The following CALD1 variants were observed in gnomAD, a reference collection of about 807,000 sequenced individuals.
CALD1 encodes caldesmon.
Under a neutral mutation model 99.9 loss-of-function variants are expected in CALD1, and 33 were observed. The observed-to-expected ratio is 0.33, with a 90% CI of 0.25 to 0.44. The LOEUF is 0.44. Ranked by LOEUF, CALD1 falls within the 20% of genes least tolerant of loss-of-function variation. The probability of loss-of-function intolerance (pLI) is 1.00; values close to 1 mark genes in which losing one functional copy is unlikely to be tolerated. For synonymous variants in CALD1, 310 were observed against 325.0 expected, an observed-to-expected ratio of 0.95 and a Z score of 0.50; for missense variants, 861 against 962.1, an observed-to-expected ratio of 0.89 and a Z score of 1.39.
chr7:134,902,810 A>G (rs544834416), intron 3 of CALD1, among the ~76,000 whole-genome samples: 38 of 152,316 alleles, frequency 2.5e-4, no homozygotes, highest in East Asian at 9.6e-4. Flanking sequence ...GAATCCTTCA[A>G]TCCTTAAACT....
At chr7:134,876,452 G>C (rs1463081672) in intron 3 of CALD1, among the ~76,000 whole-genome samples, 1 of 152,196 alleles carries the variant, frequency 6.6e-6, no homozygotes, top group Non-Finnish European at 1.5e-5. Flanking sequence ...ACTGCATGTA[G>C]AGTGCTTTCT....
rs1452908 is a variant in CALD1 at position 134,747,429 on chromosome 7, T to G, written c.-130+3066T>G. ...TGTTCAAAGTTCCAGAAAACAGCAG[T>G]AAGATTCGTGATGCCAAGGAAGGGT... On this transcript the variant is annotated intron_variant, in intron 1 of 13. Transcript: ENST00000417172. Among the ~76,000 whole-genome samples the G allele has an allele frequency of 2.4e-3, 361 of 152,336 alleles. 1 individual carries two copies. The highest frequency in any genetic ancestry group is 8.1e-3 in the African/African-American group (338 of 41,574).
At chr7:134,819,649 A>G (rs562532065) in intron 1 of CALD1, among the ~76,000 whole-genome samples, 1 of 152,352 alleles carries the variant, frequency 6.6e-6, no homozygotes, top group Non-Finnish European at 1.5e-5. Flanking sequence ...GCTTTGGGAA[A>G]TTCAATCAGC....
At chr7:134,714,053 C>G in the CALD1 span, among the ~76,000 whole-genome samples, 1 of 151,922 alleles carries the variant, frequency 6.6e-6, no homozygotes, top group Non-Finnish European at 1.5e-5. Context: ...TGTAGAACCT[C>G]CCACCTCCCA....
At chr7:134,739,275 T>C (rs2050962568), upstream of CALD1, among the ~76,000 whole-genome samples, 2 of 152,214 alleles carry the variant, frequency 1.3e-5, no homozygotes. Context: ...AGATAGTCTC[T>C]TAAGCCTAGC....
At chr7:134,718,103 G>A in the CALD1 span, among the ~76,000 whole-genome samples, 1 of 152,160 alleles carries the variant, frequency 6.6e-6, no homozygotes, top group African/African-American at 2.4e-5. Context: ...CATGGTAAGA[G>A]AAGAAAAATG....
chr7:134,968,559 T>C lies in CALD1; in HGVS notation c.*214T>C. On this transcript the variant is annotated 3_prime_UTR_variant, in exon 15 of 15. Coordinates refer to ENST00000361675, the MANE Select transcript of CALD1 (RefSeq NM_033138.4). The stretch of plus-strand genomic sequence containing the variant: ...AAAGTACTGCCTTTGCACAGGAGCC[T>C]GTTTCTAAAGAAACCCATGCTGTGA... 1.4e-6 allele frequency: 1 copy of C among 702,200 alleles called. No homozygotes were observed. The highest frequency in any genetic ancestry group is 2.7e-5 in the East Asian group (1 of 36,816). The allele number at this position is 702,200 out of a possible 1,614,324, so 43.5% of individuals were successfully genotyped here.
chr7:134,968,849 T>G lies in CALD1; in HGVS notation c.*504T>G. On this transcript the variant is annotated 3_prime_UTR_variant, in exon 15 of 15. Transcript: ENST00000361675. ...TTTCAGATTTGAAATACTGCAATAA[T>G]GGTTGTCTTTAAAAAAAAAAAAGAA... 5.3e-6 allele frequency: 1 copy of G among 187,248 alleles called. No homozygotes were observed. The highest frequency in any genetic ancestry group is 2.3e-5 in the African/African-American group (1 of 43,192). The allele number at this position is 187,248 out of a possible 1,614,324, so 11.6% of individuals were successfully genotyped here.
At chr7:134,821,036 G>A (rs995921055) in intron 1 of CALD1, among the ~76,000 whole-genome samples, 1 of 152,052 alleles carries the variant, frequency 6.6e-6, no homozygotes. Context: ...CTTAGATTAC[G>A]TTTATGCGTA....
upstream of CALD1, among the ~76,000 whole-genome samples, chr7:134,740,696 T>C (rs11766904): frequency 0.59 from 90,111 of 152,014 alleles, 27,367 homozygotes; most frequent in East Asian, 0.86. Context: ...GAGGAGGTGA[T>C]GAGGATTGTG....
intron 1 of CALD1, among the ~76,000 whole-genome samples, chr7:134,841,831 G>T (rs1045741132): frequency 7.1e-6 from 1 of 140,446 alleles, no homozygotes; most frequent in African/African-American, 2.9e-5. Flanking sequence ...GAGTAACTTG[G>T]AAGTTTCATG....
In CALD1 at chr7:134,947,607, G is replaced by T; in HGVS notation, c.1632G>T (p.Gly544=). 1.3e-6 allele frequency: 2 copies of T among 1,562,848 alleles called. No individual in the cohort carries two copies. Among genetic ancestry groups the T allele is most frequent in the Non-Finnish European group, 1.7e-6 (2 of 1,153,240 alleles). The change falls in exon 8 of 15, where the codon GGG becomes GGT. Residue 544 remains glycine, a synonymous_variant. Coordinates refer to ENST00000361675, the MANE Select transcript of CALD1 (RefSeq NM_033138.4). ...TGGAGGAGCTTCGTCGTCGTCGCGG[G>T]GAGACCGAGAGCGAAGAGTTCGAGA... ...KRLEELRRRR[G]ETESEEFEKL... is the part of the protein sequence containing the mutation.
In CALD1 at chr7:134,867,749, C is replaced by A; in HGVS notation, c.16C>A (p.Arg6Ser). 1.2e-6 allele frequency: 2 copies of A among 1,607,522 alleles called. No individual in the cohort carries two copies. Among genetic ancestry groups the A allele is most frequent in the Non-Finnish European group, 1.7e-6 (2 of 1,175,614 alleles). The change falls in exon 3 of 15, where the codon CGT becomes AGT. Residue 6 changes from arginine to serine, a missense_variant. Coordinates refer to ENST00000361675, the MANE Select transcript of CALD1 (RefSeq NM_033138.4). ...AAATCACACCATGGATGATTTTGAGCGTCGCAGAGAACTTAGAAGGCAAAA... is the reference window on the plus strand; with the variant it reads ...AAATCACACCATGGATGATTTTGAGAGTCGCAGAGAACTTAGAAGGCAAAA... MDDFE[R>S]RRELRRQKRE...
chr7:134,774,598 T>C (rs1475876647), intron 1 of CALD1, among the ~76,000 whole-genome samples: 3 of 152,212 alleles, frequency 2.0e-5, no homozygotes, highest in Non-Finnish European at 4.4e-5. Context: ...AACTATTCCT[T>C]ACCCAGACTT....
At chr7:134,712,028 AGGG>A in the CALD1 span, among the ~76,000 whole-genome samples, 3 of 65,334 alleles carry the variant, frequency 4.6e-5, no homozygotes, top group African/African-American at 3.2e-4. Context: ...GGAGGGAGAG[AGGG>A]AGGGAAGGAG....
chr7:134,910,523 G>T (rs950495438), intron 3 of CALD1, among the ~76,000 whole-genome samples: 1 of 152,190 alleles, frequency 6.6e-6, no homozygotes, highest in African/African-American at 2.4e-5. Context: ...GGAAGATGGT[G>T]CAGGAGGAGT....
chr7:134,771,638 C>A (rs1296356547), intron 1 of CALD1, among the ~76,000 whole-genome samples: 4 of 151,916 alleles, frequency 2.6e-5, no homozygotes, highest in Non-Finnish European at 5.9e-5. Flanking sequence ...TTTTTTCCTG[C>A]CTCAAACTCT....
intron 3 of CALD1, among the ~76,000 whole-genome samples, chr7:134,883,775 C>A (rs1462008098): frequency 6.6e-6 from 1 of 152,212 alleles, no homozygotes; most frequent in African/African-American, 2.4e-5. Flanking sequence ...CAAGTGGAGT[C>A]CAACTGTAAT....
chr7:134,900,037 C>T (rs187894930), intron 3 of CALD1: 15 of 152,098 alleles, frequency 9.9e-5, no homozygotes, highest in East Asian at 9.6e-4. Context: ...TTGTAAGTAA[C>T]GGTGGGGAAG....
Sources: gnomAD v4.1 joint callset for allele counts (sites outside exome capture counted in the v4.1 genomes callset) on GRCh38, gnomAD v4.1.1 for gene constraint, MANE v1.5 for transcripts, NCBI Gene and HGNC (gene_info 2026-07-23, HGNC 2026-07-21) for gene names.